Variants in KCNB2 observed in about 807,000 individuals in gnomAD.
KCNB2 encodes the protein potassium voltage-gated channel subfamily B member 2.
KCNB2 carries 15 observed loss-of-function variants against 61.5 expected under a neutral mutation model. The ratio of observed to expected loss-of-function variants is 0.24; its 90% CI spans 0.16 to 0.38. The LOEUF (loss-of-function observed/expected upper bound fraction) is 0.38, where lower values mean the gene tolerates loss of function less well. KCNB2 is among the 10% of genes least tolerant of loss of function. The pLI, the probability that KCNB2 is intolerant of heterozygous loss-of-function variation, is 1.00. For synonymous variants in KCNB2, 457 were observed against 446.0 expected, an observed-to-expected ratio of 1.02 and a Z score of -0.31; for missense variants, 828 against 1,125.2, an observed-to-expected ratio of 0.74 and a Z score of 3.78.
intron 2 of KCNB2, among the ~76,000 whole-genome samples, chr8:72,708,213 G>A (rs1352441859): frequency 6.6e-6 from 1 of 152,190 alleles, no homozygotes; most frequent in African/African-American, 2.4e-5. Context: ...GGAAGGGTGG[G>A]GAGAGAACTT....
At chr8:72,632,940 C>A (rs1805903162) in intron 2 of KCNB2, among the ~76,000 whole-genome samples, 1 of 152,152 alleles carries the variant, frequency 6.6e-6, no homozygotes, top group African/African-American at 2.4e-5. Context: ...TATTAGTTTT[C>A]TATTGCTGCC....
intron 2 of KCNB2, among the ~76,000 whole-genome samples, chr8:72,785,646 A>G (rs1808834592): frequency 6.6e-6 from 1 of 152,166 alleles, no homozygotes; most frequent in African/African-American, 2.4e-5. Context: ...GATTGGAGAT[A>G]TCTACTATGA....
intron 2 of KCNB2, among the ~76,000 whole-genome samples, chr8:72,788,720 A>G (rs1490029057): frequency 2.0e-5 from 3 of 152,164 alleles, no homozygotes; most frequent in Admixed American, 6.5e-5. Flanking sequence ...CCTGAACTCC[A>G]TACTTAAATC....
chr8:72,787,052 C>T (rs1808855394), intron 2 of KCNB2, among the ~76,000 whole-genome samples: 1 of 152,112 alleles, frequency 6.6e-6, no homozygotes, highest in Non-Finnish European at 1.5e-5. Context: ...TCATTTTTGC[C>T]TCTGATTCTA....
At chr8:72,926,960 C>T (rs1436904873) in intron 2 of KCNB2, among the ~76,000 whole-genome samples, 3 of 152,174 alleles carry the variant, frequency 2.0e-5, no homozygotes, top group Non-Finnish European at 2.9e-5. Flanking sequence ...TTACTCCTTA[C>T]GGCAGCATCC....
intron 2 of KCNB2, among the ~76,000 whole-genome samples, chr8:72,578,347 T>C (rs1289344534): frequency 6.6e-6 from 1 of 152,212 alleles, no homozygotes; most frequent in Non-Finnish European, 1.5e-5. Flanking sequence ...GAATGAACTA[T>C]GTATGCAGTG....
rs569680842 is a variant in KCNB2 at position 72,787,535 on chromosome 8, T to C, written c.580-148400T>C. 4.6e-5 allele frequency among the ~76,000 whole-genome samples: 7 copies of C among 152,174 alleles called. No homozygotes were observed. The South Asian group carries it at 8.3e-4, about 18-fold the overall frequency. The stretch of plus-strand genomic sequence containing the variant: ...GTATAAGTATGGCAGTTTTAAAAGA[T>C]TGGGGAGAGGAAGAGTATAAAACTC... On this transcript the variant is annotated intron_variant, in intron 2 of 2. Transcript: ENST00000523207.
At chr8:72,840,327 TG>T (rs1809859118) in intron 2 of KCNB2, among the ~76,000 whole-genome samples, 1 of 152,222 alleles carries the variant, frequency 6.6e-6, no homozygotes, top group Non-Finnish European at 1.5e-5. Flanking sequence ...GTATTTGGAT[TG>T]GTTCCAAGTC....
rs201856429 is a variant in KCNB2, at chr8:72,791,954, A to G, written c.580-143981A>G. ...TAGTACTTATTATATGCCAGGCACA[A>G]TCCTACCAGTGAGTGTACCTACAGT... is the stretch of plus-strand genomic sequence containing the variant. On this transcript the variant is annotated intron_variant, in intron 2 of 2. Coordinates refer to ENST00000523207, the MANE Select transcript of KCNB2 (RefSeq NM_004770.3). Among the ~76,000 whole-genome samples the G allele has an allele frequency of 5.9e-5, 9 of 152,326 alleles. No individual in the cohort carries two copies. The East Asian group carries it at 1.4e-3, about 23-fold the overall frequency.
intron 2 of KCNB2, among the ~76,000 whole-genome samples, chr8:72,906,578 T>G (rs1273799894): frequency 6.6e-6 from 1 of 152,216 alleles, no homozygotes; most frequent in East Asian, 1.9e-4. Flanking sequence ...TCATTTCCTC[T>G]CTTAGAGTAG....
chr8:72,663,767 A>G (rs1440365), intron 2 of KCNB2, among the ~76,000 whole-genome samples: 126,428 of 152,140 alleles, frequency 0.83, 53,128 homozygotes, highest in East Asian at 0.95. Context: ...AAGGTAGGAC[A>G]ATCAAAAAGG....
At chr8:72,574,249 G>A (rs1456502033) in intron 2 of KCNB2, among the ~76,000 whole-genome samples, 2 of 152,194 alleles carry the variant, frequency 1.3e-5, no homozygotes, top group Admixed American at 1.3e-4. Flanking sequence ...CGGAAAGGCT[G>A]CCCTGAAAAC....
At chr8:72,842,256 A>C (rs187297970) in intron 2 of KCNB2, among the ~76,000 whole-genome samples, 1 of 152,208 alleles carries the variant, frequency 6.6e-6, no homozygotes, top group African/African-American at 2.4e-5. Flanking sequence ...GTGTATGTTG[A>C]ATCAGGCTTG....
intron 2 of KCNB2, among the ~76,000 whole-genome samples, chr8:72,799,543 A>G (rs921451315): frequency 6.6e-6 from 1 of 152,148 alleles, no homozygotes; most frequent in African/African-American, 2.4e-5. Flanking sequence ...GCACTTTTCT[A>G]TGTTTCTAGA....
chr8:72,869,432 T>C (rs1223618562), intron 2 of KCNB2, among the ~76,000 whole-genome samples: 1 of 152,170 alleles, frequency 6.6e-6, no homozygotes, highest in Non-Finnish European at 1.5e-5. Context: ...GAGAAAATAT[T>C]TGCAAGGCAT....
chr8:72,586,970 T>C (rs954352972), intron 2 of KCNB2, among the ~76,000 whole-genome samples: 1 of 152,248 alleles, frequency 6.6e-6, no homozygotes, highest in Non-Finnish European at 1.5e-5. Context: ...AAACTTGGTG[T>C]TGGCCTCTTT....
rs1326468898 is a variant in KCNB2, at chr8:72,545,394, T to G, written c.-94+7509T>G. Among the ~76,000 whole-genome samples the G allele has an allele frequency of 5.3e-5, 8 of 152,342 alleles. 1 individual carries two copies. Among genetic ancestry groups the G allele is most frequent in the Admixed American group, 4.6e-4 (7 of 15,306 alleles). ...GCCGTTTTTCCAACAGTGTGCTCAC[T>G]TCTTGTCTCTGTGTCACATTTTGGT... On this transcript the variant is annotated intron_variant, in intron 1 of 2. Coordinates refer to ENST00000523207, the MANE Select transcript of KCNB2 (RefSeq NM_004770.3).
intron 2 of KCNB2, among the ~76,000 whole-genome samples, chr8:72,778,018 A>T (rs922110851): frequency 4.6e-5 from 7 of 152,140 alleles, no homozygotes; most frequent in African/African-American, 1.7e-4. Context: ...TTTCTTTAGC[A>T]TGGGATATTA....
intron 2 of KCNB2, among the ~76,000 whole-genome samples, chr8:72,769,719 T>A (rs967497037): frequency 6.6e-6 from 1 of 152,156 alleles, no homozygotes; most frequent in African/African-American, 2.4e-5. Context: ...GGCCCCATTC[T>A]ATGGGCAAGA....
Sources: gnomAD v4.1 joint callset for allele counts (sites outside exome capture counted in the v4.1 genomes callset) on GRCh38, gnomAD v4.1.1 for gene constraint, MANE v1.5 for transcripts, NCBI Gene and HGNC (gene_info 2026-07-23, HGNC 2026-07-21) for gene names.